FAM20C: variants seen among roughly 807,000 people sequenced by gnomAD.
The protein encoded by FAM20C is extracellular serine/threonine protein kinase FAM20C.
In FAM20C, 40 loss-of-function variants were observed where a neutral mutation model predicts 51.5. That is an observed-to-expected ratio of 0.78 (90% CI 0.60 to 1.01). The LOEUF (loss-of-function observed/expected upper bound fraction) is 1.01. FAM20C is among the 50% of genes least tolerant of loss of function. The pLI is 0.00. For synonymous variants in FAM20C, 406 were observed against 380.6 expected (o/e 1.07, Z -0.78); for missense variants, 861 against 844.7 (o/e 1.02, Z -0.24).
intron 5 of FAM20C, among the ~76,000 whole-genome samples, chr7:250,033 C>A (rs1477491681): frequency 1.3e-5 from 2 of 152,310 alleles, no homozygotes; most frequent in East Asian, 3.9e-4. Flanking sequence ...CCCTCCGGAT[C>A]GGAGGCTCTC....
In FAM20C at chr7:258,715, C is replaced by T. The variant is rs1288684258; in HGVS notation, c.1505+10C>T. ...TACAGCAGTGCTGCAGGTACAGCCCCTGCCGGAGCCGGCTCCAGCTCCACC... is the reference window on the plus strand; with the variant it reads ...TACAGCAGTGCTGCAGGTACAGCCCTTGCCGGAGCCGGCTCCAGCTCCACC... On this transcript the variant is annotated intron_variant, in intron 9 of 9. Coordinates refer to ENST00000313766, the MANE Select transcript of FAM20C (RefSeq NM_020223.4). The T allele has an allele frequency of 2.2e-5, 34 of 1,533,442 alleles. No homozygotes were observed. The highest frequency in any genetic ancestry group is 3.0e-5 in the Non-Finnish European group (34 of 1,144,630). 95.0% of individuals were successfully genotyped at this position (1,533,442 alleles called of 1,614,324 possible). A position where few individuals can be genotyped will look rare whatever the true frequency, so the allele number is the denominator to read the frequency against.
chr7:259,090 T>C (rs1291003607), intron 9 of FAM20C, among the ~76,000 whole-genome samples: 1 of 152,226 alleles, frequency 6.6e-6, no homozygotes, highest in Admixed American at 6.5e-5. Context: ...CCCCGTTTCA[T>C]GGCTGGGGAC....
chr7:243,905 G>A (rs1269109126), intron 3 of FAM20C, among the ~76,000 whole-genome samples: 1 of 148,492 alleles, frequency 6.7e-6, no homozygotes, highest in African/African-American at 2.5e-5. Flanking sequence ...AAGTAGCTGA[G>A]GATTTTCTAA....
intron 3 of FAM20C, among the ~76,000 whole-genome samples, chr7:213,155 C>T (rs77152471): frequency 1.3e-3 from 77 of 58,760 alleles, no homozygotes; most frequent in East Asian, 4.0e-3. Context: ...GCTGTGGAGT[C>T]CTGCAGTGTG....
At chr7:230,383 G>GGGGGGT (rs1554253447) in intron 3 of FAM20C, among the ~76,000 whole-genome samples, 1 of 21,214 alleles carries the variant, frequency 4.7e-5, no homozygotes, top group Non-Finnish European at 1.3e-4. Context: ...GGGGGGGGGG[G>GGGGGGT]GGAACAGATC....
rs1157671208 is a variant in FAM20C, at chr7:193,600, C to T, written c.401C>T (p.Pro134Leu). 5 of 1,536,856 alleles carry T rather than the reference C, an allele frequency of 3.3e-6. No individual in the cohort carries two copies. In the South Asian group the frequency reaches 4.8e-5, roughly 15 times the overall value. The change falls in exon 1 of 10, where the codon CCC (proline) becomes CTC (leucine). Residue 134 changes from proline (P) to leucine (L), a missense_variant. Coordinates refer to ENST00000313766, the MANE Select transcript of FAM20C (RefSeq NM_020223.4). Reference sequence around the variant, plus strand: ...CCCGGCGCCCTAAGACCCCACGACCCCGCGCACCGGCCGCTGCTGCGAGAC... The same window carrying T: ...CCCGGCGCCCTAAGACCCCACGACCTCGCGCACCGGCCGCTGCTGCGAGAC... ...RDPGALRPHD[P>L]AHRPLLRDPG...
intron 3 of FAM20C, chr7:228,911 T>C (rs116686125): frequency 0.013 from 5,467 of 421,836 alleles, 262 homozygotes; most frequent in African/African-American, 0.1. Context: ...AACTCAGCAC[T>C]GGGAGCCCCT....
Position 260,151 on chromosome 7 carries a change from G to C in FAM20C, c.*171G>C. Reference sequence around the variant, plus strand: ...CCCCAGGTCTCATAGGACACATTTTGTCAGTGTTTGACCAGAAAAGCTTGG... The same window carrying C: ...CCCCAGGTCTCATAGGACACATTTTCTCAGTGTTTGACCAGAAAAGCTTGG... On this transcript the variant is annotated 3_prime_UTR_variant, in exon 10 of 10. Coordinates refer to ENST00000313766, the MANE Select transcript of FAM20C (RefSeq NM_020223.4). 1 of 935,386 alleles carries C rather than the reference G, an allele frequency of 1.1e-6. No homozygotes were observed. The highest frequency in any genetic ancestry group is 2.6e-5 in the South Asian group (1 of 39,088). The allele number at this position is 935,386 out of a possible 1,614,324, so 57.9% of individuals were successfully genotyped here.
At position 257,966 on chromosome 7, in the gene FAM20C, G is replaced by GA. The variant is rs1465432070; in HGVS notation, c.1446-680_1446-679insA. Among the ~76,000 whole-genome samples, 151 of 74,408 alleles carry GA rather than the reference G, an allele frequency of 2.0e-3. 35 individuals are homozygous for GA. Among genetic ancestry groups the GA allele is most frequent in the Non-Finnish European group, 3.4e-3 (104 of 30,492 alleles). 48.8% of individuals were successfully genotyped at this position (74,408 alleles called of 152,430 possible). A position where few individuals can be genotyped will look rare whatever the true frequency, so the allele number is the denominator to read the frequency against. ...GCCCGGGGTGGACCCACTGCCTGAGGTGCTGGAGATAGGCAGTGTGGACCC... is the reference window on the plus strand; with the variant it reads ...GCCCGGGGTGGACCCACTGCCTGAGGATGCTGGAGATAGGCAGTGTGGACCC... On this transcript the variant is annotated intron_variant, in intron 8 of 9. Transcript: ENST00000313766.
chr7:210,258 G>A lies in FAM20C; in HGVS notation c.863+1282G>A, dbSNP rs768057402. On this transcript the variant is annotated intron_variant, in intron 3 of 9. Coordinates refer to ENST00000313766, the MANE Select transcript of FAM20C (RefSeq NM_020223.4). The stretch of plus-strand genomic sequence containing the variant: ...TGAGATCACAAGCACTTCCTTCCCC[G>A]TTTCTGTGCGTGGATGTGAAACTCA... Among the ~76,000 whole-genome samples the A allele has an allele frequency of 5.9e-5, 9 of 152,050 alleles. No homozygotes were observed. The South Asian group carries it at 8.3e-4, about 14-fold the overall frequency.
chr7:224,176 G>A lies in FAM20C; in HGVS notation c.863+15200G>A, dbSNP rs1396037379. Among the ~76,000 whole-genome samples the A allele has an allele frequency of 3.2e-4, 47 of 145,364 alleles. 1 individual carries two copies. The highest frequency in any genetic ancestry group is 1.2e-3 in the African/African-American group (46 of 37,704). ...TGTCCCCTGAGCATTCTCTCACGGA[G>A]CAGAACGGCACCGTCACGGGGTCGC... On this transcript the variant is annotated intron_variant, in intron 3 of 9. Transcript: ENST00000313766.
chr7:232,524 T>C (rs1240151117), intron 3 of FAM20C, among the ~76,000 whole-genome samples: 1 of 152,244 alleles, frequency 6.6e-6, no homozygotes, highest in African/African-American at 2.4e-5. Context: ...GCACAGCGCT[T>C]AGCTCAGAGT....
rs551783299 is a variant in FAM20C, at chr7:214,278, T to C, written c.863+5302T>C. Among the ~76,000 whole-genome samples, 65 of 151,744 alleles carry C rather than the reference T, an allele frequency of 4.3e-4. 1 individual carries two copies. Among genetic ancestry groups the C allele is most frequent in the Admixed American group, 3.5e-3 (54 of 15,248 alleles). On this transcript the variant is annotated intron_variant, in intron 3 of 9. Coordinates refer to ENST00000313766, the MANE Select transcript of FAM20C (RefSeq NM_020223.4). ...AGGCGGAGGTTGCAGTGAGCCGAGA[T>C]CACGCCACCGCACTCCAGCCTGGGC...
At chr7:237,427 G>A (rs2115130985) in intron 3 of FAM20C, among the ~76,000 whole-genome samples, 1 of 152,356 alleles carries the variant, frequency 6.6e-6, no homozygotes, top group African/African-American at 2.4e-5. Flanking sequence ...CAACAGTGGT[G>A]GAGATAATGG....
chr7:202,592 TG>T, intron 2 of FAM20C, among the ~76,000 whole-genome samples: 1 of 132,294 alleles, frequency 7.6e-6, no homozygotes, highest in South Asian at 2.6e-4. Context: ...TACTGGGGAA[TG>T]GGGGGGCCCT....
chr7:243,935 A>ATTATTATT (rs1562390928), intron 3 of FAM20C, among the ~76,000 whole-genome samples: 2 of 118,244 alleles, frequency 1.7e-5, no homozygotes, highest in Non-Finnish European at 3.7e-5. Flanking sequence ...TAATAATAAT[A>ATTATTATT]ATAATAATAA....
chr7:213,723 G>A (rs28433907), intron 3 of FAM20C, among the ~76,000 whole-genome samples: 9,509 of 152,228 alleles, frequency 0.062, 436 homozygotes, highest in East Asian at 0.21. Context: ...GCGTTTAACT[G>A]TTTGAGGAAC....
chr7:210,730 C>G (rs963913164), intron 3 of FAM20C, among the ~76,000 whole-genome samples: 1 of 152,168 alleles, frequency 6.6e-6, no homozygotes, highest in African/African-American at 2.4e-5. Flanking sequence ...GCAGAGTGTT[C>G]CTGGGCGCCA....
intron 3 of FAM20C, chr7:229,148 A>AC: frequency 3.3e-6 from 1 of 302,638 alleles, no homozygotes; most frequent in Non-Finnish European, 6.6e-6. Context: ...TCTCGTCATA[A>AC]CCTTCAGCAC....
Sources: allele counts gnomAD v4.1 joint callset (sites outside exome capture counted in the v4.1 genomes callset), GRCh38; gene constraint gnomAD v4.1.1; transcripts MANE v1.5; gene names NCBI Gene and HGNC (gene_info 2026-07-23, HGNC 2026-07-21).